The following TNFRSF21 variants were observed in gnomAD, a reference collection of about 807,000 sequenced individuals.
TNFRSF21 encodes TNF receptor superfamily member 21, also known as tumor necrosis factor receptor superfamily member 21.
A neutral mutation model predicts 45.6 loss-of-function variants in TNFRSF21; 19 were observed. The ratio of observed to expected loss-of-function variants is 0.42; its 90% CI spans 0.29 to 0.61. The LOEUF (loss-of-function observed/expected upper bound fraction) is 0.61. Among genes scored for constraint, TNFRSF21 ranks in the 20% least tolerant of loss-of-function variants. The probability of loss-of-function intolerance (pLI) is 0.23; values close to 1 mark genes in which losing one functional copy is unlikely to be tolerated. For synonymous variants in TNFRSF21, 314 were observed against 335.5 expected (o/e 0.94, Z 0.70); for missense variants, 737 against 851.5 (o/e 0.87, Z 1.67).
intron 1 of TNFRSF21, among the ~76,000 whole-genome samples, chr6:47,306,539 C>G (rs776430769): frequency 1.3e-5 from 2 of 152,138 alleles, no homozygotes; most frequent in Non-Finnish European, 2.9e-5. Context: ...ACCTGCTTCA[C>G]AAAGATGCTA....
chr6:47,305,498 G>A (rs546934316), intron 1 of TNFRSF21, among the ~76,000 whole-genome samples: 26 of 152,168 alleles, frequency 1.7e-4, no homozygotes, highest in Non-Finnish European at 3.5e-4. Flanking sequence ...TTAAAGTTCT[G>A]CTCGAATTTG....
At chr6:47,260,356 A>G (rs1244293606) in intron 3 of TNFRSF21, among the ~76,000 whole-genome samples, 4 of 152,200 alleles carry the variant, frequency 2.6e-5, no homozygotes, top group Non-Finnish European at 5.9e-5. Flanking sequence ...GGTTCTTCCA[A>G]GTGAGCTGGT....
intron 4 of TNFRSF21, among the ~76,000 whole-genome samples, chr6:47,235,411 G>A (rs1764652739): frequency 6.6e-6 from 1 of 152,146 alleles, no homozygotes; most frequent in African/African-American, 2.4e-5. Flanking sequence ...GAAGCGATGA[G>A]GACACAGACG....
At chr6:47,295,364 G>A (rs545242087) in intron 1 of TNFRSF21, among the ~76,000 whole-genome samples, 3 of 152,238 alleles carry the variant, frequency 2.0e-5, no homozygotes, top group East Asian at 3.9e-4. Context: ...AATTTTTAGC[G>A]GAAAATGAGC....
intron 3 of TNFRSF21, among the ~76,000 whole-genome samples, chr6:47,268,968 C>T (rs1186434049): frequency 6.6e-6 from 1 of 152,196 alleles, no homozygotes; most frequent in South Asian, 2.1e-4. Context: ...ACCAGAATGT[C>T]CTCTGTACTG....
intron 3 of TNFRSF21, among the ~76,000 whole-genome samples, chr6:47,265,381 T>C (rs529837931): frequency 1.4e-5 from 2 of 139,224 alleles, no homozygotes; most frequent in East Asian, 2.0e-4. Flanking sequence ...TTTTTTGTTT[T>C]GTTTTGTTTT....
chr6:47,289,732 G>A, intron 1 of TNFRSF21, among the ~76,000 whole-genome samples: 1 of 152,194 alleles, frequency 6.6e-6, no homozygotes, highest in Non-Finnish European at 1.5e-5. Flanking sequence ...GGTGGCTCAT[G>A]CCTGTAATCC....
chr6:47,274,027 G>A (rs1328058159), intron 3 of TNFRSF21, among the ~76,000 whole-genome samples: 4 of 152,164 alleles, frequency 2.6e-5, no homozygotes, highest in African/African-American at 9.7e-5. Context: ...TCATGGATAG[G>A]AAGAATGAAT....
At chr6:47,254,938 G>A (rs886407276) in intron 3 of TNFRSF21, among the ~76,000 whole-genome samples, 6 of 152,084 alleles carry the variant, frequency 3.9e-5, no homozygotes, top group African/African-American at 1.4e-4. Flanking sequence ...CACAAAGGTA[G>A]GTGAGTTGGT....
intron 3 of TNFRSF21, among the ~76,000 whole-genome samples, chr6:47,266,173 C>T (rs1762330614): frequency 1.3e-5 from 2 of 152,128 alleles, no homozygotes; most frequent in African/African-American, 4.8e-5. Flanking sequence ...TACTGCTTAC[C>T]CTAGAAAGAG....
chr6:47,309,399 T>C lies in TNFRSF21; in HGVS notation c.96+17A>G, dbSNP rs1229728887. On this transcript the variant is annotated intron_variant, in intron 1 of 5. Transcript: ENST00000296861. ...GCTCCGGCGCCGCCGCCACCCCCGG[T>C]CCACGCAAGCGCTCACCAGGAGAAG... 1.3e-6 allele frequency: 2 copies of C among 1,527,724 alleles called. No homozygotes were observed. Among genetic ancestry groups the C allele is most frequent in the African/African-American group, 1.4e-5 (1 of 70,186 alleles). The allele number at this position is 1,527,724 out of a possible 1,614,324, so 94.6% of individuals were successfully genotyped here. A position where few individuals can be genotyped will look rare whatever the true frequency, so the allele number is the denominator to read the frequency against.
At chr6:47,251,486 T>G (rs1264954076) in intron 4 of TNFRSF21, among the ~76,000 whole-genome samples, 1 of 152,232 alleles carries the variant, frequency 6.6e-6, no homozygotes, top group Admixed American at 6.5e-5. Context: ...TTCGTTGACC[T>G]AATGATTTTA....
At chr6:47,304,680 G>A (rs1011225820) in intron 1 of TNFRSF21, among the ~76,000 whole-genome samples, 1 of 152,196 alleles carries the variant, frequency 6.6e-6, no homozygotes, top group African/African-American at 2.4e-5. Context: ...GGAATTTGGT[G>A]GATATATGCC....
At chr6:47,261,241 A>G (rs889205633) in intron 3 of TNFRSF21, among the ~76,000 whole-genome samples, 1 of 152,256 alleles carries the variant, frequency 6.6e-6, no homozygotes, top group Non-Finnish European at 1.5e-5. Flanking sequence ...AATTGGAATA[A>G]AAGCCTGGCT....
chr6:47,253,891 T>C (rs1764941121), intron 3 of TNFRSF21, among the ~76,000 whole-genome samples: 1 of 152,232 alleles, frequency 6.6e-6, no homozygotes, highest in African/African-American at 2.4e-5. Flanking sequence ...AGATCCCCAG[T>C]GGATGCCTTG....
intron 4 of TNFRSF21, among the ~76,000 whole-genome samples, chr6:47,237,286 C>T (rs1483341576): frequency 6.6e-6 from 1 of 151,318 alleles, no homozygotes; most frequent in Non-Finnish European, 1.5e-5. Context: ...CACTTTTTCC[C>T]AAAAGAAAAA....
In TNFRSF21 at chr6:47,253,481, G is replaced by C. The variant is rs777990557; in HGVS notation, c.1284C>G (p.Ser428Arg). ...ILKLVAAQVG[S>R]QWKDIYQFLC... ...GAAACTGATAGATATCTTTCCACTG[G>C]CTTCCCACTTGGGCTGCTACAAGCT... Residue 428 changes from serine (S) to arginine (R), a missense_variant, in exon 4 of 6, where the codon AGC becomes AGG. Coordinates refer to ENST00000296861, the MANE Select transcript of TNFRSF21 (RefSeq NM_014452.5). The C allele has an allele frequency of 6.2e-7, 1 of 1,613,472 alleles. No individual in the cohort carries two copies. Among genetic ancestry groups the C allele is most frequent in the Admixed American group, 1.7e-5 (1 of 60,022 alleles).
intron 1 of TNFRSF21, among the ~76,000 whole-genome samples, chr6:47,294,305 G>A (rs1001283805): frequency 9.9e-5 from 15 of 152,204 alleles, no homozygotes; most frequent in South Asian, 8.3e-4. Context: ...CACCATGCCC[G>A]GCTAATTTTT....
chr6:47,248,562 G>T (rs913708757), intron 4 of TNFRSF21, among the ~76,000 whole-genome samples: 1 of 152,192 alleles, frequency 6.6e-6, no homozygotes, highest in Non-Finnish European at 1.5e-5. Context: ...TTCTCTGACA[G>T]CTATTGAGGA....
Sources: gnomAD v4.1 joint callset for allele counts (sites outside exome capture counted in the v4.1 genomes callset) on GRCh38, gnomAD v4.1.1 for gene constraint, MANE v1.5 for transcripts, NCBI Gene and HGNC (gene_info 2026-07-23, HGNC 2026-07-21) for gene names.